The following MTMR14 variants were observed in gnomAD, a reference collection of about 807,000 sequenced individuals.
The protein encoded by MTMR14 is myotubularin related protein 14.
MTMR14 carries 48 observed loss-of-function variants against 86.3 expected under a neutral mutation model. The observed-to-expected ratio is 0.56, with a 90% CI of 0.44 to 0.71. MTMR14 has a LOEUF of 0.71. Among genes scored for constraint, MTMR14 ranks in the 30% least tolerant of loss-of-function variants. The pLI, the probability that MTMR14 is intolerant of heterozygous loss-of-function variation, is 0.00. For missense variants in MTMR14, 780 were observed against 834.6 expected, an observed-to-expected ratio of 0.93 and a Z score of 0.81; for synonymous variants, 366 against 326.1, an observed-to-expected ratio of 1.12 and a Z score of -1.32.
chr3:9,671,771 A>G (rs1014176002), intron 6 of MTMR14, among the ~76,000 whole-genome samples: 2 of 152,190 alleles, frequency 1.3e-5, no homozygotes, highest in Non-Finnish European at 2.9e-5. Flanking sequence ...AGTCAAAACT[A>G]AAAAATAGAG....
At chr3:9,689,507 CT>C (rs1381617844) in intron 16 of MTMR14, among the ~76,000 whole-genome samples, 1 of 152,188 alleles carries the variant, frequency 6.6e-6, no homozygotes, top group Admixed American at 6.5e-5. Flanking sequence ...ACCCTGATGA[CT>C]TTCACCCTGG....
chr3:9,682,810 A>G (rs1266194128), intron 9 of MTMR14, among the ~76,000 whole-genome samples: 3 of 152,114 alleles, frequency 2.0e-5, no homozygotes, highest in Non-Finnish European at 4.4e-5. Flanking sequence ...GTTTACCTTT[A>G]CTGGCTTCCT....
intron 7 of MTMR14, among the ~76,000 whole-genome samples, chr3:9,675,301 A>C (rs1325548421): frequency 1.3e-5 from 2 of 152,236 alleles, no homozygotes; most frequent in East Asian, 3.8e-4. Context: ...TTTATTTGAT[A>C]GACTTGTGTT....
intron 18 of MTMR14, among the ~76,000 whole-genome samples, chr3:9,698,854 G>T (rs1473846494): frequency 6.6e-6 from 1 of 151,834 alleles, no homozygotes; most frequent in Non-Finnish European, 1.5e-5. Context: ...CAAGATCTTA[G>T]ATGTTCGAAG....
chr3:9,683,263 G>T lies in MTMR14; in HGVS notation c.964+19G>T. On this transcript the variant is annotated intron_variant, in intron 10 of 18. Transcript: ENST00000296003. ...AGTGATGGTGAGTCTGTCTCCTCCA[G>T]AGCCCTCGAGCCACTGCACCCTTGG... The T allele has an allele frequency of 6.2e-7, 1 of 1,611,508 alleles. No homozygotes were observed.
intron 2 of MTMR14, chr3:9,659,957 A>G: frequency 2.4e-6 from 1 of 413,614 alleles, no homozygotes; most frequent in Non-Finnish European, 4.9e-6. Flanking sequence ...GGAAAATCAG[A>G]TGTAGGCATT....
At chr3:9,696,252 C>G (rs963368832) in intron 17 of MTMR14, among the ~76,000 whole-genome samples, 7 of 152,208 alleles carry the variant, frequency 4.6e-5, no homozygotes, top group Non-Finnish European at 1.0e-4. Context: ...AATCCCAGCA[C>G]TTTGGGAGGC....
intron 4 of MTMR14, among the ~76,000 whole-genome samples, chr3:9,669,124 A>G (rs1469415812): frequency 1.1e-4 from 17 of 150,010 alleles, no homozygotes; most frequent in African/African-American, 4.2e-4. Context: ...TGGGCAACAG[A>G]GTGAGACTCC....
rs948218702 is a variant in MTMR14 at position 9,649,513 on chromosome 3, G to C, written c.-71G>C. On this transcript the variant is annotated 5_prime_UTR_variant, in exon 1 of 19. Coordinates refer to ENST00000296003, the MANE Select transcript of MTMR14 (RefSeq NM_001077525.3). Reference sequence around the variant, plus strand: ...GGCTGAGGCGGTTCCGGAGGTTCTAGTGTCGGAGTTGGGTGCAGGCAGGTG... The same window carrying C: ...GGCTGAGGCGGTTCCGGAGGTTCTACTGTCGGAGTTGGGTGCAGGCAGGTG... 4.0e-6 allele frequency: 6 copies of C among 1,483,798 alleles called. No individual in the cohort carries two copies. Among genetic ancestry groups the C allele is most frequent in the Non-Finnish European group, 5.4e-6 (6 of 1,120,800 alleles). The allele number at this position is 1,483,798 out of a possible 1,614,324, so 91.9% of individuals were successfully genotyped here. A position where few individuals can be genotyped will look rare whatever the true frequency, so the allele number is the denominator to read the frequency against.
Position 9,662,144 on chromosome 3 carries a change from C to T in MTMR14, c.309-123C>T. ...TAGATGATATAAAATTTAGGAATGACATTTAATTTCAAGCAAGCATTATGT... is the reference window on the plus strand; with the variant it reads ...TAGATGATATAAAATTTAGGAATGATATTTAATTTCAAGCAAGCATTATGT... On this transcript the variant is annotated intron_variant, in intron 2 of 18. Coordinates refer to ENST00000296003, the MANE Select transcript of MTMR14 (RefSeq NM_001077525.3). 3 of 726,844 alleles carry T rather than the reference C, an allele frequency of 4.1e-6. No homozygotes were observed. In the South Asian group the frequency reaches 4.5e-5, roughly 11 times the overall value. 45.0% of individuals were successfully genotyped at this position (726,844 alleles called of 1,614,324 possible). A position where few individuals can be genotyped will look rare whatever the true frequency, so the allele number is the denominator to read the frequency against.
chr3:9,658,955 C>T (rs1256838469), intron 2 of MTMR14, among the ~76,000 whole-genome samples: 1 of 152,128 alleles, frequency 6.6e-6, no homozygotes, highest in Non-Finnish European at 1.5e-5. Context: ...CTTGGGAGGC[C>T]GAGATGGGCG....
intron 17 of MTMR14, among the ~76,000 whole-genome samples, chr3:9,695,914 T>C (rs1187116662): frequency 6.6e-6 from 1 of 152,158 alleles, no homozygotes; most frequent in African/African-American, 2.4e-5. Context: ...TGGGGAGCTG[T>C]CTCTTTGATT....
At chr3:9,666,133 G>GTTTTTT (rs1241278468) in intron 3 of MTMR14, among the ~76,000 whole-genome samples, 2 of 117,296 alleles carry the variant, frequency 1.7e-5, no homozygotes, top group East Asian at 2.4e-4. Context: ...AAGTTTGTTG[G>GTTTTTT]TTTTTTTTTT....
chr3:9,688,423 T>C (rs560571538), intron 14 of MTMR14, among the ~76,000 whole-genome samples: 24 of 152,332 alleles, frequency 1.6e-4, no homozygotes, highest in Non-Finnish European at 3.5e-4. Context: ...GCTACAAGCA[T>C]GTTGGGCCAC....
intron 5 of MTMR14, among the ~76,000 whole-genome samples, chr3:9,669,918 T>A (rs2048478120): frequency 6.6e-6 from 1 of 152,120 alleles, no homozygotes; most frequent in Non-Finnish European, 1.5e-5. Flanking sequence ...ATAGGAGACA[T>A]GAGGTCTAGC....
In MTMR14 at chr3:9,687,877, T is replaced by C. The variant is rs1358381637; in HGVS notation, c.1221T>C (p.Ala407=). 1.9e-6 allele frequency: 3 copies of C among 1,588,774 alleles called. No individual in the cohort carries two copies. The highest frequency in any genetic ancestry group is 1.3e-5 in the African/African-American group (1 of 74,826). Residue 407 remains alanine (A), a synonymous_variant, in exon 14 of 19, where the codon GCT becomes GCC. Coordinates refer to ENST00000296003, the MANE Select transcript of MTMR14 (RefSeq NM_001077525.3). Reference sequence around the variant, plus strand: ...ATATTACCTCCGAGGAGTTCTCTGCTCTGAAGACCCAGAGGTAAGTGGAGG... The same window carrying C: ...ATATTACCTCCGAGGAGTTCTCTGCCCTGAAGACCCAGAGGTAAGTGGAGG... ...LKHITSEEFS[A]LKTQRRKSLP...
At position 9,697,842 on chromosome 3, in the gene MTMR14, C is replaced by G. The variant is rs200360764; in HGVS notation, c.1745C>G (p.Pro582Arg). The part of the protein sequence containing the change: ...HTDSSLPFSF[P>R]DELPNSCLLA... ...GACTCCTCTCTCCCTTTCAGCTTCC[C>G]GGATGAGCTCCCTAACAGTTGTCTG... The change falls in exon 18 of 19, where the codon CCG becomes CGG. Residue 582 changes from proline to arginine, a missense_variant. Transcript: ENST00000296003. The G allele has an allele frequency of 6.2e-7, 1 of 1,614,212 alleles. No homozygotes were observed. Among genetic ancestry groups the G allele is most frequent in the South Asian group, 1.1e-5 (1 of 91,088 alleles).
intron 11 of MTMR14, 97 bp downstream of exon 11, chr3:9,684,767 A>G: frequency 6.5e-7 from 1 of 1,543,840 alleles, no homozygotes; most frequent in Non-Finnish European, 9.0e-7. Flanking sequence ...CGCTCAGAGC[A>G]GATGTGTTTA....
chr3:9,698,612 G>T (rs565574639), intron 18 of MTMR14, among the ~76,000 whole-genome samples: 1 of 152,176 alleles, frequency 6.6e-6, no homozygotes, highest in Non-Finnish European at 1.5e-5. Flanking sequence ...CACCAGCACC[G>T]CAATCCAGCT....
Sources: allele counts gnomAD v4.1 joint callset (sites outside exome capture counted in the v4.1 genomes callset), GRCh38; gene constraint gnomAD v4.1.1; transcripts MANE v1.5; gene names NCBI Gene and HGNC (gene_info 2026-07-23, HGNC 2026-07-21).